ACTR3C: variants seen among roughly 807,000 people sequenced by gnomAD.
The protein encoded by ACTR3C is actin related protein 3C, also known as actin-related protein 3C.
A neutral mutation model predicts 26.3 loss-of-function variants in ACTR3C; 18 were observed. The ratio of observed to expected loss-of-function variants is 0.68; its 90% confidence interval spans 0.47 to 1.01. The LOEUF (loss-of-function observed/expected upper bound fraction) is 1.01, where lower values mean the gene tolerates loss of function less well. ACTR3C is among the 50% of genes least tolerant of loss of function. The pLI is 0.00. For missense variants in ACTR3C, 184 were observed against 250.7 expected (o/e 0.73, Z 1.80); for synonymous variants, 55 against 94.5 (o/e 0.58, Z 2.42).
At chr7:150,021,929 G>A in the ACTR3C span, among the ~76,000 whole-genome samples, 26 of 151,676 alleles carry the variant, frequency 1.7e-4, no homozygotes, top group African/African-American at 4.4e-4. Flanking sequence ...TGCTATAGGC[G>A]TGCGTGCAAG....
chr7:149,936,061 T>C, the ACTR3C span, among the ~76,000 whole-genome samples: 1 of 152,148 alleles, frequency 6.6e-6, no homozygotes, highest in Admixed American at 6.5e-5. Context: ...TGGCTGATTA[T>C]TAAGTCCTCT....
At chr7:150,101,584 G>T in the ACTR3C span, among the ~76,000 whole-genome samples, 3 of 151,734 alleles carry the variant, frequency 2.0e-5, no homozygotes. Flanking sequence ...AGGAGAGCGG[G>T]GCTGCCCACG....
At chr7:150,138,606 C>G in the ACTR3C span, among the ~76,000 whole-genome samples, 11 of 152,390 alleles carry the variant, frequency 7.2e-5, no homozygotes, top group South Asian at 2.3e-3. Flanking sequence ...AACAAGACAG[C>G]CTTTCCCAGC....
chr7:150,136,446 G>T, the ACTR3C span, among the ~76,000 whole-genome samples: 1 of 152,096 alleles, frequency 6.6e-6, no homozygotes, highest in Non-Finnish European at 1.5e-5. Context: ...GAGGCAGGTG[G>T]ATCACCTGAG....
the ACTR3C span, among the ~76,000 whole-genome samples, chr7:150,219,790 C>A: frequency 2.3e-4 from 33 of 144,496 alleles, no homozygotes; most frequent in African/African-American, 2.9e-4. Flanking sequence ...CAGCAGCCAG[C>A]GCCAGCGCCC....
the ACTR3C span, among the ~76,000 whole-genome samples, chr7:150,168,360 C>T: frequency 6.6e-6 from 1 of 150,754 alleles, no homozygotes; most frequent in Admixed American, 6.6e-5. Flanking sequence ...CTGTGCACTC[C>T]TTATGAGAAT....
At chr7:150,057,276 C>CTTTT in the ACTR3C span, among the ~76,000 whole-genome samples, 18 of 113,918 alleles carry the variant, frequency 1.6e-4, no homozygotes, top group African/African-American at 4.3e-4. Flanking sequence ...GGAATAGGTC[C>CTTTT]TTTTTTTTTT....
At chr7:150,285,475 G>T (rs1462275722) in intron 5 of ACTR3C, among the ~76,000 whole-genome samples, 3 of 152,214 alleles carry the variant, frequency 2.0e-5, no homozygotes, top group Non-Finnish European at 2.9e-5. Flanking sequence ...GCTTGAATGT[G>T]CACTCTCAGA....
chr7:150,008,669 C>A, the ACTR3C span, among the ~76,000 whole-genome samples: 1 of 150,258 alleles, frequency 6.7e-6, no homozygotes, highest in Non-Finnish European at 1.5e-5. Flanking sequence ...GGGGCCACAT[C>A]CCCCAGTGAC....
chr7:150,314,587 G>A (rs916032012), intron 1 of ACTR3C, among the ~76,000 whole-genome samples: 4 of 151,998 alleles, frequency 2.6e-5, no homozygotes, highest in African/African-American at 4.8e-5. Flanking sequence ...GGTGTTTTTT[G>A]TGGGTATCTG....
intron 6 of ACTR3C, among the ~76,000 whole-genome samples, chr7:150,275,938 G>A (rs946353215): frequency 2.0e-5 from 3 of 152,036 alleles, no homozygotes; most frequent in African/African-American, 4.8e-5. Context: ...GTCAGCCACC[G>A]TCTATTTATT....
chr7:150,213,279 G>A, the ACTR3C span, among the ~76,000 whole-genome samples: 1 of 152,180 alleles, frequency 6.6e-6, no homozygotes, highest in Non-Finnish European at 1.5e-5. Flanking sequence ...AAAAGGGGCA[G>A]GAAAAGGACC....
the ACTR3C span, among the ~76,000 whole-genome samples, chr7:150,084,695 C>T: frequency 2.6e-5 from 4 of 152,104 alleles, no homozygotes; most frequent in South Asian, 2.1e-4. Context: ...AGGAACAGGG[C>T]GTGCACACCA....
the ACTR3C span, among the ~76,000 whole-genome samples, chr7:150,057,229 G>A: frequency 2.0e-5 from 3 of 150,526 alleles, no homozygotes; most frequent in African/African-American, 7.3e-5. Context: ...ACTGATCCTC[G>A]GGTGGTATAC....
At chr7:150,203,025 A>G in the ACTR3C span, among the ~76,000 whole-genome samples, 1 of 152,258 alleles carries the variant, frequency 6.6e-6, no homozygotes, top group African/African-American at 2.4e-5. Flanking sequence ...TCAATCATAA[A>G]TGACAAAATT....
rs148057618 is a variant in ACTR3C, at chr7:150,321,723, G to C, written c.-52+1746C>G. ...CCACTGCACTCCAGCCTGGGCAAGA[G>C]AGTGAGACTCCATCTCAAAAAAATA... On this transcript the variant is annotated intron_variant, in intron 1 of 7. Transcript: ENST00000683684. Among the ~76,000 whole-genome samples the C allele has an allele frequency of 5.0e-3, 760 of 152,292 alleles. 8 individuals carry two copies. Among genetic ancestry groups the C allele is most frequent in the African/African-American group, 0.017 (717 of 41,536 alleles).
At chr7:150,225,706 T>C in the ACTR3C span, among the ~76,000 whole-genome samples, 1 of 152,260 alleles carries the variant, frequency 6.6e-6, no homozygotes, top group East Asian at 1.9e-4. Flanking sequence ...AAAGTTGGTT[T>C]TGTCACATTC....
the ACTR3C span, among the ~76,000 whole-genome samples, chr7:150,039,378 G>C: frequency 2.0e-5 from 2 of 99,734 alleles, no homozygotes; most frequent in African/African-American, 2.9e-5. Flanking sequence ...CTGCGATGGG[G>C]GTCCTAAGAA....
chr7:149,993,989 G>A, the ACTR3C span, among the ~76,000 whole-genome samples: 12 of 152,206 alleles, frequency 7.9e-5, no homozygotes, highest in African/African-American at 2.7e-4. Flanking sequence ...CACATTAAGA[G>A]AGGAACAGCA....
Sources: gnomAD v4.1 joint callset for allele counts (sites outside exome capture counted in the v4.1 genomes callset) on GRCh38, gnomAD v4.1.1 for gene constraint, MANE v1.5 for transcripts, NCBI Gene and HGNC (gene_info 2026-07-23, HGNC 2026-07-21) for gene names.